Variants in USP34 observed in about 807,000 individuals in gnomAD.
USP34 encodes the protein ubiquitin specific peptidase 34.
In USP34, 70 loss-of-function variants were observed where a neutral mutation model predicts 460.3. The observed-to-expected ratio is 0.15, with a 90% CI of 0.13 to 0.19. The LOEUF (loss-of-function observed/expected upper bound fraction) is 0.19, where lower values mean the gene tolerates loss of function less well. Among genes scored for constraint, USP34 ranks in the 10% least tolerant of loss-of-function variants. The probability of loss-of-function intolerance (pLI) is 1.00; values close to 1 mark genes in which losing one functional copy is unlikely to be tolerated. For missense variants in USP34, 3,985 were observed against 4,236.2 expected (o/e 0.94, Z 1.65); for synonymous variants, 1,647 against 1,405.3 (o/e 1.17, Z -3.85).
intron 21 of USP34, among the ~76,000 whole-genome samples, chr2:61,320,217 C>T (rs1690874296): frequency 6.6e-6 from 1 of 152,172 alleles, no homozygotes; most frequent in Non-Finnish European, 1.5e-5. Context: ...TCGCTTATTC[C>T]AGTTCAGGGT....
intron 1 of USP34, among the ~76,000 whole-genome samples, chr2:61,437,130 G>A (rs1325869226): frequency 6.6e-6 from 1 of 151,956 alleles, no homozygotes; most frequent in East Asian, 1.9e-4. Flanking sequence ...TGCATCTCAA[G>A]GAACCAAAAA....
At chr2:61,468,126 C>A (rs934369802) in intron 1 of USP34, among the ~76,000 whole-genome samples, 13 of 151,838 alleles carry the variant, frequency 8.6e-5, no homozygotes, top group Admixed American at 8.5e-4. Flanking sequence ...AAGCAAAGAA[C>A]TACAGAAAAA....
intron 71 of USP34, among the ~76,000 whole-genome samples, chr2:61,206,488 C>T (rs1687123743): frequency 6.6e-6 from 1 of 152,066 alleles, no homozygotes; most frequent in African/African-American, 2.4e-5. Context: ...TACAAAGTGC[C>T]CAGCTTGTTA....
intron 1 of USP34, among the ~76,000 whole-genome samples, chr2:61,433,397 G>A (rs1053398192): frequency 6.6e-6 from 1 of 152,204 alleles, no homozygotes; most frequent in Non-Finnish European, 1.5e-5. Flanking sequence ...ACTTTGAGGA[G>A]CTGAGGCAGG....
At chr2:61,469,549 A>G (rs778500769) in intron 1 of USP34, among the ~76,000 whole-genome samples, 52 of 152,186 alleles carry the variant, frequency 3.4e-4, no homozygotes, top group Non-Finnish European at 6.3e-4. Flanking sequence ...GAACCCTTCC[A>G]CTTTTATTAT....
At chr2:61,243,427 G>A (rs1339781412) in intron 51 of USP34, among the ~76,000 whole-genome samples, 3 of 151,304 alleles carry the variant, frequency 2.0e-5, no homozygotes, top group African/African-American at 7.3e-5. Context: ...GATTACAGGC[G>A]TGAGCCACCA....
chr2:61,401,106 G>T (rs372163412), intron 3 of USP34, among the ~76,000 whole-genome samples: 1 of 142,418 alleles, frequency 7.0e-6, no homozygotes, highest in African/African-American at 2.6e-5. Flanking sequence ...AGCCGAGATC[G>T]CGCCATTGCA....
At chr2:61,346,884 T>C (rs1015564509) in intron 15 of USP34, among the ~76,000 whole-genome samples, 4 of 138,576 alleles carry the variant, frequency 2.9e-5, no homozygotes, top group African/African-American at 8.1e-5. Flanking sequence ...ACACCTGTGA[T>C]CCCAGCACTT....
intron 44 of USP34, 65 bp from the exon 45 acceptor site, chr2:61,257,415 T>C: frequency 1.4e-6 from 2 of 1,392,536 alleles, no homozygotes; most frequent in Non-Finnish European, 1.9e-6. Context: ...GGTTCTTCAA[T>C]GAACATATAA....
At chr2:61,385,160 A>C (rs569521999) in intron 5 of USP34, among the ~76,000 whole-genome samples, 3 of 151,766 alleles carry the variant, frequency 2.0e-5, no homozygotes, top group Non-Finnish European at 4.4e-5. Context: ...CAAAAATATC[A>C]TGTGTCTAGG....
At chr2:61,400,694 T>C (rs920060335) in intron 3 of USP34, among the ~76,000 whole-genome samples, 13 of 151,706 alleles carry the variant, frequency 8.6e-5, no homozygotes, top group Admixed American at 6.6e-4. Flanking sequence ...CTCAAAAAAA[T>C]TGAAAAACTA....
At chr2:61,265,125 T>G (rs116301574) in intron 43 of USP34, 3,952 of 269,136 alleles carry the variant, frequency 0.015, 53 homozygotes, top group Middle Eastern at 0.042. Flanking sequence ...GTGAATGCGT[T>G]TTTACTGACA....
At chr2:61,419,101 T>G (rs1233041651) in intron 2 of USP34, among the ~76,000 whole-genome samples, 1 of 152,190 alleles carries the variant, frequency 6.6e-6, no homozygotes, top group Non-Finnish European at 1.5e-5. Context: ...AAATGAGAGT[T>G]TACAGAACTT....
At position 61,350,278 on chromosome 2, in the gene USP34, G is replaced by C; in HGVS notation, c.1489C>G (p.Pro497Ala). ...SFASLLNTNI[P>A]IGNKKEEEEL... ...TACTAACCTTTCTTATTTCCAATGG[G>C]AATATTAGTATTTAATAAAGATGCA... The change falls in exon 12 of 80, where the codon CCC becomes GCC. Residue 497 changes from proline to alanine, a missense_variant. Pro to Ala is a conservative substitution (Grantham distance 27). Around this residue, in one of 14 missense-constraint regions of USP34, gnomAD observed 716 missense variants for 626.2 expected, o/e 1.14. Transcript: ENST00000398571. The C allele has an allele frequency of 1.9e-6, 3 of 1,607,414 alleles. No homozygotes were observed. Among genetic ancestry groups the C allele is most frequent in the Non-Finnish European group, 2.5e-6 (3 of 1,176,990 alleles).
intron 8 of USP34, among the ~76,000 whole-genome samples, chr2:61,375,242 TAAC>T (rs1052008375): frequency 1.1e-4 from 17 of 152,074 alleles, no homozygotes; most frequent in Non-Finnish European, 2.5e-4. Context: ...ATCTAGATAA[TAAC>T]AACTGCTGGC....
In USP34 at chr2:61,457,255, G is replaced by A. The variant is rs533362809; in HGVS notation, c.43+13395C>T. Among the ~76,000 whole-genome samples the A allele has an allele frequency of 9.9e-5, 15 of 152,176 alleles. No homozygotes were observed. In the South Asian group the frequency reaches 1.9e-3, roughly 19 times the overall value. On this transcript the variant is annotated intron_variant, in intron 1 of 79. Transcript: ENST00000398571. Reference sequence around the variant, plus strand: ...CGTGCCACTGCACTCTAGACTGGGCGACAGAGCAAGACCTGTCAAATAAAT... The same window carrying A: ...CGTGCCACTGCACTCTAGACTGGGCAACAGAGCAAGACCTGTCAAATAAAT...
At chr2:61,229,715 C>T (rs1309431057) in intron 58 of USP34, 82 bp from the exon 59 acceptor site, 7 of 1,206,580 alleles carry the variant, frequency 5.8e-6, no homozygotes, top group Non-Finnish European at 7.2e-6. Flanking sequence ...TCAAAATTCT[C>T]TGCCACCCAT....
chr2:61,324,685 G>C (rs1487881553), intron 21 of USP34, among the ~76,000 whole-genome samples: 1 of 152,068 alleles, frequency 6.6e-6, no homozygotes, highest in East Asian at 1.9e-4. Flanking sequence ...TGGGATGACT[G>C]CTTGAGCCGG....
rs764584301 is a variant in USP34, at chr2:61,246,501, A to T, written c.6395-24T>A. 7.5e-6 allele frequency: 11 copies of T among 1,458,678 alleles called. No homozygotes were observed. The East Asian group carries it at 2.7e-4, about 36-fold the overall frequency. The allele number at this position is 1,458,678 out of a possible 1,614,324, so 90.4% of individuals were successfully genotyped here. A position where few individuals can be genotyped will look rare whatever the true frequency, so the allele number is the denominator to read the frequency against. The stretch of plus-strand genomic sequence containing the variant: ...ACCTGAAATGATTTACACAGAATGG[A>T]AATAATTTTCCAAACTTCACAACAG... On this transcript the variant is annotated intron_variant, in intron 49 of 79. Transcript: ENST00000398571.
Sources: gnomAD v4.1 joint callset for allele counts (sites outside exome capture counted in the v4.1 genomes callset) on GRCh38, gnomAD v4.1.1 for gene constraint, gnomAD v4.1.1 regional missense constraint, MANE v1.5 for transcripts, NCBI Gene and HGNC (gene_info 2026-07-23, HGNC 2026-07-21) for gene names.